Variants in NCLN observed in about 807,000 individuals in gnomAD.
The protein encoded by NCLN is nicalin.
In NCLN, 34 loss-of-function variants were observed where a neutral mutation model predicts 69.5. That is an observed-to-expected ratio of 0.49 (90% CI 0.37 to 0.65). NCLN has a LOEUF of 0.65. Ranked by LOEUF, NCLN falls within the 30% of genes least tolerant of loss-of-function variation. The pLI, the probability that NCLN is intolerant of heterozygous loss-of-function variation, is 0.00. For synonymous variants in NCLN, 393 were observed against 358.3 expected, an observed-to-expected ratio of 1.10 and a Z score of -1.09; for missense variants, 710 against 804.8, an observed-to-expected ratio of 0.88 and a Z score of 1.42.
intron 12 of NCLN, 65 bp downstream of exon 12, chr19:3,206,490 A>G (rs1438588165): frequency 2.0e-6 from 3 of 1,488,122 alleles, no homozygotes; most frequent in Non-Finnish European, 2.7e-6. Flanking sequence ...CCCCTACTGC[A>G]TCTCCCACCC....
intron 3 of NCLN, among the ~76,000 whole-genome samples, chr19:3,194,620 G>T (rs547575356): frequency 6.6e-6 from 1 of 152,158 alleles, no homozygotes; most frequent in African/African-American, 2.4e-5. Context: ...TGCAGAAAAC[G>T]TTCCCAACCC....
At chr19:3,202,105 C>A (rs954973207) in intron 6 of NCLN, among the ~76,000 whole-genome samples, 1 of 152,132 alleles carries the variant, frequency 6.6e-6, no homozygotes, top group Non-Finnish European at 1.5e-5. Context: ...CTGGTTGAGA[C>A]CCCCCTGGGT....
chr19:3,202,829 A>C (rs1916162907), intron 6 of NCLN, among the ~76,000 whole-genome samples: 1 of 152,068 alleles, frequency 6.6e-6, no homozygotes, highest in Admixed American at 6.6e-5. Flanking sequence ...GCTGTCAAAA[A>C]CGTGTGAACG....
At chr19:3,201,234 C>T (rs1037369310) in intron 5 of NCLN, among the ~76,000 whole-genome samples, 4 of 152,190 alleles carry the variant, frequency 2.6e-5, no homozygotes, top group East Asian at 3.9e-4. Flanking sequence ...GGGCGCGGGC[C>T]GAGCCGAGGT....
chr19:3,206,631 T>C (rs1226812822), intron 12 of NCLN, among the ~76,000 whole-genome samples: 1 of 151,448 alleles, frequency 6.6e-6, no homozygotes, highest in Non-Finnish European at 1.5e-5. Flanking sequence ...AGGTCAGGAG[T>C]TCAAGACCAG....
intron 3 of NCLN, among the ~76,000 whole-genome samples, chr19:3,193,858 A>T (rs1351905338): frequency 3.3e-5 from 5 of 152,278 alleles, no homozygotes; most frequent in Admixed American, 6.5e-5. Context: ...CCTTTCCTCC[A>T]GCCCCGTGAA....
Position 3,186,020 on chromosome 19 carries a change from C to T in NCLN, c.-11C>T. 5 of 1,541,712 alleles carry T rather than the reference C, an allele frequency of 3.2e-6. No individual in the cohort carries two copies. Among genetic ancestry groups the T allele is most frequent in the South Asian group, 1.2e-5 (1 of 83,432 alleles). ...CAGCTGCCGCCCCGCGCGGCCCCGCCGCCGGCCAGGATGCTGGAGGAAGCG... is the reference window on the plus strand; with the variant it reads ...CAGCTGCCGCCCCGCGCGGCCCCGCTGCCGGCCAGGATGCTGGAGGAAGCG... On this transcript the variant is annotated 5_prime_UTR_variant, in exon 1 of 15. Coordinates refer to ENST00000246117, the MANE Select transcript of NCLN (RefSeq NM_020170.4).
At chr19:3,187,175 G>T (rs766208634) in intron 1 of NCLN, among the ~76,000 whole-genome samples, 1 of 152,078 alleles carries the variant, frequency 6.6e-6, no homozygotes, top group Non-Finnish European at 1.5e-5. Flanking sequence ...CCTTGCCCTT[G>T]CATTCTGCAA....
Position 3,207,992 on chromosome 19 carries a change from G to C in NCLN, c.*304G>C. 2.3e-6 allele frequency: 1 copy of C among 437,758 alleles called. No homozygotes were observed. The highest frequency in any genetic ancestry group is 4.2e-6 in the Non-Finnish European group (1 of 238,568). The allele number at this position is 437,758 out of a possible 1,614,324, so 27.1% of individuals were successfully genotyped here. The stretch of plus-strand genomic sequence containing the variant: ...CTGGGAGCCGGCCGCCCTCGGTCTG[G>C]TGTAAGCACACATGCACGATTAAAG... On this transcript the variant is annotated 3_prime_UTR_variant, in exon 15 of 15. Transcript: ENST00000246117.
chr19:3,192,363 G>C (rs1915847751), intron 1 of NCLN, 107 bp from the exon 2 acceptor site: 1 of 277,622 alleles, frequency 3.6e-6, no homozygotes, highest in African/African-American at 6.6e-5. Context: ...CAGGTTGTGG[G>C]CTGGGGCTGG....
chr19:3,199,149 G>A (rs1212115691), intron 5 of NCLN, among the ~76,000 whole-genome samples: 2 of 152,248 alleles, frequency 1.3e-5, no homozygotes, highest in Admixed American at 6.5e-5. Flanking sequence ...CTGAGCCCAG[G>A]GAGTCTGAGT....
chr19:3,193,952 G>A (rs1034348728), intron 3 of NCLN, among the ~76,000 whole-genome samples: 2 of 152,238 alleles, frequency 1.3e-5, no homozygotes, highest in African/African-American at 4.8e-5. Context: ...AGTTGCCGCT[G>A]TGGAGAGTGA....
chr19:3,208,851 G>A lies in NCLN; in HGVS notation c.*1163G>A, dbSNP rs1333965684. ...CTCAGAGAGGAAGGTCCGGGCCCTCGGGAAGCCTTGGACAGAACCCTCCAC... is the reference window on the plus strand; with the variant it reads ...CTCAGAGAGGAAGGTCCGGGCCCTCAGGAAGCCTTGGACAGAACCCTCCAC... On this transcript the variant is annotated 3_prime_UTR_variant, in exon 15 of 15. Transcript: ENST00000246117. 5 of 152,370 alleles carry A rather than the reference G, an allele frequency of 3.3e-5. No homozygotes were observed. Among genetic ancestry groups the A allele is most frequent in the Admixed American group, 6.5e-5 (1 of 15,282 alleles). 9.4% of individuals were successfully genotyped at this position (152,370 alleles called of 1,614,324 possible). A position where few individuals can be genotyped will look rare whatever the true frequency, so the allele number is the denominator to read the frequency against.
rs944505706 is a variant in NCLN, at chr19:3,208,143, G to C, written c.*455G>C. 1 of 160,968 alleles carries C rather than the reference G, an allele frequency of 6.2e-6. No homozygotes were observed. The highest frequency in any genetic ancestry group is 2.4e-5 in the African/African-American group (1 of 41,614). 10.0% of individuals were successfully genotyped at this position (160,968 alleles called of 1,614,324 possible). On this transcript the variant is annotated 3_prime_UTR_variant, in exon 15 of 15. Coordinates refer to ENST00000246117, the MANE Select transcript of NCLN (RefSeq NM_020170.4). ...TGTCTGTCCTAGGACGTCCCCTCCCGCTCCCCGATGGTGGCGTGGACATGG... is the reference window on the plus strand; with the variant it reads ...TGTCTGTCCTAGGACGTCCCCTCCCCCTCCCCGATGGTGGCGTGGACATGG...
rs1229368275 is a variant in NCLN at position 3,186,131 on chromosome 19, C to T, written c.101C>T (p.Ala34Val). Residue 34 changes from alanine to valine, a missense_variant, in exon 1 of 15, where the codon GCG becomes GTG. Coordinates refer to ENST00000246117, the MANE Select transcript of NCLN (RefSeq NM_020170.4). ...CTGCCCGCTGTGCTGCTGCTGGTGGCGCCGCCGCTGCCTGCCGCCGACGCC... is the reference window on the plus strand; with the variant it reads ...CTGCCCGCTGTGCTGCTGCTGGTGGTGCCGCCGCTGCCTGCCGCCGACGCC... ...VFLPAVLLLV[A>V]PPLPAADAAH... The T allele has an allele frequency of 6.3e-7, 1 of 1,596,428 alleles. No individual in the cohort carries two copies. The highest frequency in any genetic ancestry group is 8.5e-7 in the Non-Finnish European group (1 of 1,173,886).
Position 3,201,582 on chromosome 19 carries a change from A to G in NCLN, c.756A>G (p.Ala252=). ...GCGTCTCTGTGCTGCTGGAGCTGGC[A>G]CGCCTCTTCTCCCGGCTCTACACCT... is the stretch of plus-strand genomic sequence containing the variant. ...GSGVSVLLEL[A]RLFSRLYTYK... is the part of the protein sequence containing the mutation. The change falls in exon 6 of 15, where the codon GCA becomes GCG. Residue 252 remains alanine (A), a synonymous_variant. Transcript: ENST00000246117. 2 of 1,538,018 alleles carry G rather than the reference A, an allele frequency of 1.3e-6. No individual in the cohort carries two copies. Among genetic ancestry groups the G allele is most frequent in the South Asian group, 1.2e-5 (1 of 85,590 alleles).
At chr19:3,206,116 G>A (rs757610211) in intron 10 of NCLN, 36 bp from the exon 11 acceptor site, 4 of 1,554,472 alleles carry the variant, frequency 2.6e-6, no homozygotes, top group Non-Finnish European at 3.5e-6. Flanking sequence ...CACTGCAGGG[G>A]CCTGGACTCA....
At chr19:3,191,334 C>T (rs1915820052) in intron 1 of NCLN, among the ~76,000 whole-genome samples, 1 of 152,154 alleles carries the variant, frequency 6.6e-6, no homozygotes, top group African/African-American at 2.4e-5. Flanking sequence ...TGGGGAGCGC[C>T]ACCGCAGAAG....
rs762037259 is a variant in NCLN at position 3,186,249 on chromosome 19, G to A, written c.184+35G>A. 2.4e-5 allele frequency: 35 copies of A among 1,432,378 alleles called. No individual in the cohort carries two copies. In the South Asian group the frequency reaches 4.9e-4, roughly 20 times the overall value. The allele number at this position is 1,432,378 out of a possible 1,614,324, so 88.7% of individuals were successfully genotyped here. A position where few individuals can be genotyped will look rare whatever the true frequency, so the allele number is the denominator to read the frequency against. Reference sequence around the variant, plus strand: ...CCCGGCCCACCCTCGGGGCTCCCCGGGCTCCCCGGCCACGCCACTCCGGCC... The same window carrying A: ...CCCGGCCCACCCTCGGGGCTCCCCGAGCTCCCCGGCCACGCCACTCCGGCC... On this transcript the variant is annotated intron_variant, in intron 1 of 14. Transcript: ENST00000246117.
Sources: allele counts gnomAD v4.1 joint callset (sites outside exome capture counted in the v4.1 genomes callset), GRCh38; gene constraint gnomAD v4.1.1; transcripts MANE v1.5; gene names NCBI Gene and HGNC (gene_info 2026-07-23, HGNC 2026-07-21).